The following UQCRC1 variants were observed in gnomAD, a reference collection of about 807,000 sequenced individuals.
The protein encoded by UQCRC1 is cytochrome b-c1 complex subunit 1, mitochondrial.
UQCRC1 carries 34 observed loss-of-function variants against 58.0 expected under a neutral mutation model. The observed-to-expected ratio is 0.59, with a 90% CI of 0.45 to 0.78. The LOEUF (loss-of-function observed/expected upper bound fraction) is 0.78, where lower values mean the gene tolerates loss of function less well. UQCRC1 is among the 30% of genes least tolerant of loss of function. UQCRC1 has a pLI of 0.00. For missense variants in UQCRC1, 610 were observed against 646.0 expected (o/e 0.94, Z 0.60); for synonymous variants, 276 against 248.8 (o/e 1.11, Z -1.03).
intron 7 of UQCRC1, 52 bp from the exon 8 acceptor site, chr3:48,601,170 GA>G: frequency 6.4e-7 from 1 of 1,570,836 alleles, no homozygotes; most frequent in Non-Finnish European, 8.7e-7. Flanking sequence ...CAGGGGAACA[GA>G]AAAGGTGGCA....
In UQCRC1 at chr3:48,599,123, C is replaced by T. The variant is rs760492378; in HGVS notation, c.*5G>A. On this transcript the variant is annotated 3_prime_UTR_variant, in exon 13 of 13. Coordinates refer to ENST00000203407, the MANE Select transcript of UQCRC1 (RefSeq NM_003365.3). ...CCTGCCCTCTTGCTTACATAGGCTT[C>T]CCGCCTAGAAGCGCAGCCAGAACAT... 1.2e-6 allele frequency: 2 copies of T among 1,611,814 alleles called. No individual in the cohort carries two copies. The highest frequency in any genetic ancestry group is 3.3e-5 in the Admixed American group (2 of 59,814).
At position 48,601,119 on chromosome 3, in the gene UQCRC1, C is replaced by G. The variant is rs1206717552; in HGVS notation, c.823-1G>C. On this transcript the variant is annotated splice_acceptor_variant, in intron 7 of 12. Transcript: ENST00000203407. LOFTEE classifies it high-confidence loss of function. The stretch of plus-strand genomic sequence containing the variant: ...GTAGAGCATCATCACGGTGGCGGAT[C>G]TGAAACAGTACATGACAAGGCTGAG... 2 of 1,597,376 alleles carry G rather than the reference C, an allele frequency of 1.3e-6. No homozygotes were observed. The highest frequency in any genetic ancestry group is 1.7e-4 in the Middle Eastern group (1 of 5,864).
chr3:48,599,025 T>TGGTC lies in UQCRC1; in HGVS notation c.*99_*102dup. 1 of 1,324,378 alleles carries TGGTC rather than the reference T, an allele frequency of 7.6e-7. No individual in the cohort carries two copies. 82.0% of individuals were successfully genotyped at this position (1,324,378 alleles called of 1,614,324 possible). On this transcript the variant is annotated 3_prime_UTR_variant, in exon 13 of 13. Transcript: ENST00000203407. Reference sequence around the variant, plus strand: ...ACTTCTCAGCAGAGGATTTTATTGGTGGTCACCTGTGGCACAGGTTAGAGG... The same window carrying TGGTC: ...ACTTCTCAGCAGAGGATTTTATTGGTGGTCGGTCACCTGTGGCACAGGTTAGAGG...
intron 5 of UQCRC1, 45 bp downstream of exon 5, chr3:48,604,188 C>A: frequency 6.2e-7 from 1 of 1,605,248 alleles, no homozygotes; most frequent in African/African-American, 1.3e-5. Flanking sequence ...TCTGGCCAGG[C>A]CAGAATGGAG....
In UQCRC1 at chr3:48,600,763, A is replaced by G. The variant is rs1352915005; in HGVS notation, c.1044T>C (p.Tyr348=). 6.2e-7 allele frequency: 1 copy of G among 1,614,170 alleles called. No homozygotes were observed. Among genetic ancestry groups the G allele is most frequent in the Non-Finnish European group, 8.5e-7 (1 of 1,180,042 alleles). ...GTGCACCCAGCAAGCCCGTCTCTGC[A>G]TAGCAGATGCTGAAGGTCTGGAAAC... ...CQSFQTFSIC[Y]AETGLLGAHF... is the part of the protein sequence containing the mutation. The change falls in exon 9 of 13, where the codon TAT becomes TAC. Residue 348 remains tyrosine, a synonymous_variant. Coordinates refer to ENST00000203407, the MANE Select transcript of UQCRC1 (RefSeq NM_003365.3).
Position 48,601,414 on chromosome 3 carries a change from G to A in UQCRC1, c.760C>T (p.Pro254Ser), listed in dbSNP as rs1230914282. ...DLAQKHLGGI[P>S]WTYAEDAVPT... Reference sequence around the variant, plus strand: ...ACAGCGTCCTCTGCATATGTCCATGGGATGCCACCGAGGTGCTTCTGGGCG... The same window carrying A: ...ACAGCGTCCTCTGCATATGTCCATGAGATGCCACCGAGGTGCTTCTGGGCG... Residue 254 changes from proline to serine, a missense_variant, in exon 7 of 13, where the codon CCA (proline) becomes TCA (serine). Coordinates refer to ENST00000203407, the MANE Select transcript of UQCRC1 (RefSeq NM_003365.3). 5 of 1,614,182 alleles carry A rather than the reference G, an allele frequency of 3.1e-6. No individual in the cohort carries two copies. The South Asian group carries it at 3.3e-5, about 11-fold the overall frequency.
chr3:48,603,954 G>A, intron 5 of UQCRC1: 3 of 585,414 alleles, frequency 5.1e-6, no homozygotes, highest in South Asian at 4.2e-5. Flanking sequence ...CATCCACAAA[G>A]GAGACAAGAG....
chr3:48,605,909 T>C (rs893447165), intron 2 of UQCRC1, 53 bp from the exon 3 acceptor site: 8 of 1,560,194 alleles, frequency 5.1e-6, no homozygotes, highest in Admixed American at 1.7e-5. Context: ...CCCAGCCCCC[T>C]ACTCACACCC....
chr3:48,600,893 G>A lies in UQCRC1; in HGVS notation c.967-53C>T, dbSNP rs963843477. The A allele has an allele frequency of 4.3e-6, 7 of 1,611,872 alleles. No individual in the cohort carries two copies. In the East Asian group the frequency reaches 8.9e-5, roughly 21 times the overall value. ...CACCCTCTTGTCTTCAACGCACACT[G>A]TGACCCCCACGCACAGGAGCACACA... On this transcript the variant is annotated intron_variant, in intron 8 of 12. Coordinates refer to ENST00000203407, the MANE Select transcript of UQCRC1 (RefSeq NM_003365.3).
At chr3:48,599,611 G>C in intron 12 of UQCRC1, 24 bp downstream of exon 12, 2 of 1,612,892 alleles carry the variant, frequency 1.2e-6, no homozygotes, top group East Asian at 4.5e-5. Flanking sequence ...AATAAACAAA[G>C]AGCAGACCCC....
At chr3:48,609,127 T>C (rs748560782) in intron 2 of UQCRC1, 35 bp downstream of exon 2, 26 of 1,580,960 alleles carry the variant, frequency 1.6e-5, no homozygotes, top group Non-Finnish European at 3.5e-6. Flanking sequence ...AGGCCCAACC[T>C]GGAGGCCCTC....
intron 6 of UQCRC1, among the ~76,000 whole-genome samples, chr3:48,602,725 G>A (rs1318175897): frequency 6.6e-6 from 1 of 151,770 alleles, no homozygotes; most frequent in Non-Finnish European, 1.5e-5. Flanking sequence ...GTTTTGTCAC[G>A]TTGGCTGGGC....
At chr3:48,605,619 G>T in intron 3 of UQCRC1, 151 bp downstream of exon 3, 1 of 748,238 alleles carries the variant, frequency 1.3e-6, no homozygotes, top group Non-Finnish European at 2.2e-6. Flanking sequence ...ACTCAGGAGA[G>T]GTTAAGCTCA....
intron 5 of UQCRC1, 117 bp downstream of exon 5, chr3:48,604,116 G>T (rs1028765536): frequency 9.0e-7 from 1 of 1,114,984 alleles, no homozygotes; most frequent in Non-Finnish European, 1.3e-6. Context: ...ACTGTCTCCA[G>T]TTGCATAACT....
intron 6 of UQCRC1, among the ~76,000 whole-genome samples, chr3:48,602,855 C>A (rs776087442): frequency 6.6e-6 from 1 of 152,078 alleles, no homozygotes; most frequent in Non-Finnish European, 1.5e-5. Flanking sequence ...CAGTTCCTTA[C>A]CCATGTCCAG....
At chr3:48,608,700 T>C (rs1331164682) in intron 2 of UQCRC1, among the ~76,000 whole-genome samples, 1 of 152,240 alleles carries the variant, frequency 6.6e-6, no homozygotes, top group Non-Finnish European at 1.5e-5. Context: ...ATTTAGAGAA[T>C]TTGTATTTTT....
At chr3:48,608,203 T>C (rs1277135662) in intron 2 of UQCRC1, among the ~76,000 whole-genome samples, 1 of 152,222 alleles carries the variant, frequency 6.6e-6, no homozygotes, top group Non-Finnish European at 1.5e-5. Context: ...CATCTGTATG[T>C]ACGTATTTTT....
intron 7 of UQCRC1, 70 bp downstream of exon 7, chr3:48,601,282 T>C: frequency 1.9e-6 from 3 of 1,580,804 alleles, no homozygotes; most frequent in Non-Finnish European, 2.6e-6. Flanking sequence ...GTCACCAGGA[T>C]AACCATGCAC....
rs375751078 is a variant in UQCRC1, at chr3:48,599,124, C to T, written c.*4G>A. The T allele has an allele frequency of 3.2e-4, 517 of 1,612,376 alleles. 1 individual carries two copies. The highest frequency in any genetic ancestry group is 3.0e-3 in the Middle Eastern group (18 of 6,040). On this transcript the variant is annotated 3_prime_UTR_variant, in exon 13 of 13. Coordinates refer to ENST00000203407, the MANE Select transcript of UQCRC1 (RefSeq NM_003365.3). ...CTGCCCTCTTGCTTACATAGGCTTC[C>T]CGCCTAGAAGCGCAGCCAGAACATG...
Sources: allele counts gnomAD v4.1 joint callset (sites outside exome capture counted in the v4.1 genomes callset), GRCh38; gene constraint gnomAD v4.1.1; transcripts MANE v1.5; gene names NCBI Gene and HGNC (gene_info 2026-07-23, HGNC 2026-07-21).